KRT3: variants seen among roughly 807,000 people sequenced by gnomAD.
KRT3 encodes the protein keratin, type II cytoskeletal 3.
KRT3 carries 34 observed loss-of-function variants against 45.8 expected under a neutral mutation model. The observed-to-expected ratio is 0.74, with a 90% CI of 0.57 to 0.99. KRT3 has a LOEUF of 0.99. KRT3 is among the 50% of genes least tolerant of loss of function. The pLI, the probability that KRT3 is intolerant of heterozygous loss-of-function variation, is 0.00. For missense variants in KRT3, 828 were observed against 820.6 expected, an observed-to-expected ratio of 1.01 and a Z score of -0.11; for synonymous variants, 367 against 329.0, an observed-to-expected ratio of 1.12 and a Z score of -1.25.
At chr12:52,793,584 T>C (rs958145385) in intron 2 of KRT3, among the ~76,000 whole-genome samples, 3 of 151,850 alleles carry the variant, frequency 2.0e-5, no homozygotes, top group African/African-American at 7.3e-5. Context: ...TCTAAACTCA[T>C]CCGTTTTTTG....
chr12:52,790,676 C>T (rs1030769227), intron 8 of KRT3, among the ~76,000 whole-genome samples, 162 bp downstream of exon 8: 2 of 152,172 alleles, frequency 1.3e-5, no homozygotes, highest in African/African-American at 4.8e-5. Flanking sequence ...TTAAAAGTGC[C>T]CTGAACCCAG....
chr12:52,791,619 G>A (rs1939505877), intron 6 of KRT3, 72 bp downstream of exon 6: 2 of 1,593,246 alleles, frequency 1.3e-6, no homozygotes, highest in Non-Finnish European at 1.7e-6. Context: ...CTATTCCAGG[G>A]GAGGAGTCCT....
rs1215733201 is a variant in KRT3 at position 52,790,266 on chromosome 12, T to C, written c.1663A>G (p.Ser555Gly). The C allele has an allele frequency of 6.4e-7, 1 of 1,551,968 alleles. No individual in the cohort carries two copies. Among genetic ancestry groups the C allele is most frequent in the African/African-American group, 1.4e-5 (1 of 73,070 alleles). ...CCACTGCCTGAGCCGCCGCCCGCAC[T>C]GAAGCCACCTCCTAAACCACCGCCC... ...GMGGGLGGGF[S>G]AGGGSGSGFG... The change falls in exon 9 of 9, where the codon AGT becomes GGT. Residue 555 changes from serine (S) to glycine (G), a missense_variant. By Grantham distance (56) the Ser-to-Gly change is moderately conservative. Coordinates refer to ENST00000417996, the MANE Select transcript of KRT3 (RefSeq NM_057088.3).
At position 52,789,851 on chromosome 12, in the gene KRT3, G is replaced by A. The variant is rs1218569437; in HGVS notation, c.*191C>T. ...CAATCACAGGCACAGGCTGGAGCCG[G>A]AGAGAAGAGCCTGAAATTCTCGTGA... is the stretch of plus-strand genomic sequence containing the variant. On this transcript the variant is annotated 3_prime_UTR_variant, in exon 9 of 9. Transcript: ENST00000417996. The A allele has an allele frequency of 5.9e-6, 4 of 677,560 alleles. No homozygotes were observed. In the African/African-American group the frequency reaches 7.1e-5, roughly 12 times the overall value. The allele number at this position is 677,560 out of a possible 1,614,324, so 42.0% of individuals were successfully genotyped here.
At chr12:52,792,837 C>G (rs1565678476) in intron 3 of KRT3, 31 bp from the exon 4 acceptor site, 5 of 1,429,768 alleles carry the variant, frequency 3.5e-6, no homozygotes, top group Non-Finnish European at 3.9e-6. Context: ...AGGCCTTATT[C>G]TCCCAATGAA....
intron 4 of KRT3, 111 bp from the exon 5 acceptor site, chr12:52,792,514 T>A: frequency 8.6e-7 from 1 of 1,157,466 alleles, no homozygotes; most frequent in Non-Finnish European, 1.3e-6. Context: ...GCTCCACATG[T>A]GTATCAGCCA....
At position 52,791,252 on chromosome 12, in the gene KRT3, C is replaced by G; in HGVS notation, c.1489G>C (p.Val497Leu). 1.9e-6 allele frequency: 3 copies of G among 1,614,256 alleles called. No individual in the cohort carries two copies. The highest frequency in any genetic ancestry group is 2.5e-6 in the Non-Finnish European group (3 of 1,180,038). ...AGCTTGCGGTAGGTGGCGATCTCCA[C>G]GTCCAGGGCCAGCTTGACATTCATC... ...ELMNVKLALD[V>L]EIATYRKLLE... The change falls in exon 7 of 9, where the codon GTG becomes CTG. Residue 497 changes from valine (V) to leucine (L), a missense_variant. Physicochemically the swap from Val to Leu is conservative, Grantham distance 32. Coordinates refer to ENST00000417996, the MANE Select transcript of KRT3 (RefSeq NM_057088.3).
In KRT3 at chr12:52,791,379, C is replaced by T; in HGVS notation, c.1362G>A (p.Glu454=). The T allele has an allele frequency of 1.9e-6, 3 of 1,614,244 alleles. No homozygotes were observed. The highest frequency in any genetic ancestry group is 2.5e-6 in the Non-Finnish European group (3 of 1,180,026). The stretch of plus-strand genomic sequence containing the variant: ...TGGCATTGGCATCCTTGAGGGCCAT[C>T]TCTCCATGCTGCTCGGCCTCGGCAA... The part of the protein sequence containing the change: ...TAIAEAEQHG[E]MALKDANAKL... The change falls in exon 7 of 9, where the codon GAG becomes GAA. Residue 454 remains glutamate, a synonymous_variant. Transcript: ENST00000417996.
chr12:52,793,223 T>G lies in KRT3; in HGVS notation c.867A>C (p.Lys289Asn), dbSNP rs1231554672. 1.1e-5 allele frequency: 17 copies of G among 1,600,798 alleles called. No homozygotes were observed. Among genetic ancestry groups the G allele is most frequent in the East Asian group, 6.7e-5 (3 of 44,624 alleles). ...MEDLVEDFKK[K>N]YEDEINKRTA... ...TACGTTTATTGATTTCATCCTCATATCTGTGTGAATAAAAAAGAAACAGCT... is the reference window on the plus strand; with the variant it reads ...TACGTTTATTGATTTCATCCTCATAGCTGTGTGAATAAAAAAGAAACAGCT... The change falls in exon 3 of 9, where the codon AAA becomes AAC. Residue 289 changes from lysine (K) to asparagine (N), a missense_variant and splice_region_variant. Coordinates refer to ENST00000417996, the MANE Select transcript of KRT3 (RefSeq NM_057088.3).
In KRT3 at chr12:52,792,312, G is replaced by A. The variant is rs766612920; in HGVS notation, c.1115C>T (p.Ala372Val). Residue 372 changes from alanine to valine, a missense_variant, in exon 5 of 9, where the codon GCT (alanine) becomes GTT (valine). Transcript: ENST00000417996. ...NRSLDLDSII[A>V]EVRAQYEDIA... is the part of the protein sequence containing the mutation. ...ATCCTCATACTGTGCACGAACTTCA[G>A]CAATGATGCTGTCCAGGTCCAGGGA... is the stretch of plus-strand genomic sequence containing the variant. 1.2e-6 allele frequency: 2 copies of A among 1,614,116 alleles called. No individual in the cohort carries two copies. Among genetic ancestry groups the A allele is most frequent in the South Asian group, 1.1e-5 (1 of 91,090 alleles).
Position 52,794,095 on chromosome 12 carries a change from C to A in KRT3, c.866+16G>T. 3 of 1,604,084 alleles carry A rather than the reference C, an allele frequency of 1.9e-6. No individual in the cohort carries two copies. Among genetic ancestry groups the A allele is most frequent in the Non-Finnish European group, 2.6e-6 (3 of 1,171,200 alleles). ...GGTGGGCCATGGCATCTTCCCACTC[C>A]TGCCCTGTCACTCACTTCTTCTTGA... On this transcript the variant is annotated intron_variant, in intron 2 of 8. Transcript: ENST00000417996.
rs530075686 is a variant in KRT3 at position 52,794,317 on chromosome 12, C to T, written c.660G>A (p.Glu220=). 8.7e-6 allele frequency: 14 copies of T among 1,613,810 alleles called. No homozygotes were observed. In the South Asian group the frequency reaches 1.5e-4, roughly 18 times the overall value. The change falls in exon 2 of 9, where the codon GAG becomes GAA. Residue 220 remains glutamate, a synonymous_variant. Transcript: ENST00000417996. ...TGGTCTCCAGGACTTTGTTCTGTTG[C>T]TCCAGGAACCGCACCTGCAATGGTT... is the stretch of plus-strand genomic sequence containing the variant. The part of the protein sequence containing the change: ...ASFIDKVRFL[E]QQNKVLETKW...
In KRT3 at chr12:52,790,035, G is replaced by T. The variant is rs1393540140; in HGVS notation, c.*7C>A. 2.0e-6 allele frequency: 3 copies of T among 1,538,094 alleles called. No individual in the cohort carries two copies. The highest frequency in any genetic ancestry group is 2.6e-6 in the Non-Finnish European group (3 of 1,146,720). On this transcript the variant is annotated 3_prime_UTR_variant, in exon 9 of 9. Coordinates refer to ENST00000417996, the MANE Select transcript of KRT3 (RefSeq NM_057088.3). ...GCTGGAGTGGCTGCGATGCTGATGCGTGCTCTTTATCTGGAGTAGCGCTGG... is the reference window on the plus strand; with the variant it reads ...GCTGGAGTGGCTGCGATGCTGATGCTTGCTCTTTATCTGGAGTAGCGCTGG...
chr12:52,792,709 A>G lies in KRT3; in HGVS notation c.1023+2T>C. 1 of 1,599,304 alleles carries G rather than the reference A, an allele frequency of 6.3e-7. No homozygotes were observed. The highest frequency in any genetic ancestry group is 1.1e-5 in the South Asian group (1 of 90,790). ...TCCCTTCTTAGTAGGTAACATCCTT[A>G]CAGCGTCGTAGAGGGTCCTTAAGAA... On this transcript the variant is annotated splice_donor_variant, in intron 4 of 8. Transcript: ENST00000417996. LOFTEE classifies it high-confidence loss of function.
Position 52,795,861 on chromosome 12 carries a change from C to T in KRT3, c.182G>A (p.Gly61Asp), listed in dbSNP as rs756214553. ...GCTGATGGAGATGCTCTTGTTGCCG[C>T]CCAGGTTGTAGAGGCTGCGACTGCC... ...GFGSRSLYNL[G>D]GNKSISISVA... is the part of the protein sequence containing the mutation. The change falls in exon 1 of 9, where the codon GGC (glycine) becomes GAC (aspartate). Residue 61 changes from glycine (G) to aspartate (D), a missense_variant. Gly to Asp is a moderately conservative substitution (Grantham distance 94). Transcript: ENST00000417996. The T allele has an allele frequency of 1.8e-5, 29 of 1,614,086 alleles. No individual in the cohort carries two copies. The highest frequency in any genetic ancestry group is 4.5e-5 in the East Asian group (2 of 44,900).
chr12:52,795,836 G>A lies in KRT3; in HGVS notation c.207C>T (p.Ser69=), dbSNP rs377156370. 7.6e-5 allele frequency: 122 copies of A among 1,614,006 alleles called. No homozygotes were observed. Among genetic ancestry groups the A allele is most frequent in the Non-Finnish European group, 9.9e-5 (117 of 1,179,998 alleles). Residue 69 remains serine, a synonymous_variant, in exon 1 of 9, where the codon AGC becomes AGT. Transcript: ENST00000417996. ...CAGCCCGGGAGCCGCCAGCTGCCAC[G>A]CTGATGGAGATGCTCTTGTTGCCGC... ...NLGGNKSISI[S]VAAGGSRAGG...
In KRT3 at chr12:52,794,116, C is replaced by G; in HGVS notation, c.861G>C (p.Lys287Asn). 1 of 1,613,460 alleles carries G rather than the reference C, an allele frequency of 6.2e-7. No individual in the cohort carries two copies. The highest frequency in any genetic ancestry group is 8.5e-7 in the Non-Finnish European group (1 of 1,179,394). The change falls in exon 2 of 9, where the codon AAG becomes AAC. Residue 287 changes from lysine (K) to asparagine (N), a missense_variant. Coordinates refer to ENST00000417996, the MANE Select transcript of KRT3 (RefSeq NM_057088.3). ...KNMEDLVEDF[K>N]KKYEDEINKR... Reference sequence around the variant, plus strand: ...ACTCCTGCCCTGTCACTCACTTCTTCTTGAAGTCTTCCACCAGGTCCTCCA... The same window carrying G: ...ACTCCTGCCCTGTCACTCACTTCTTGTTGAAGTCTTCCACCAGGTCCTCCA...
chr12:52,790,309 T>C lies in KRT3; in HGVS notation c.1620A>G (p.Gly540=). ...TTSASAGGYG[G]GYGGGMGGGL... is the part of the protein sequence containing the mutation. ...CACCGCCCATGCCTCCGCCGTAACC[T>C]CCTCCATAGCCACCTGCGGAGGCGG... Residue 540 remains glycine (G), a synonymous_variant, in exon 9 of 9, where the codon GGA becomes GGG. Coordinates refer to ENST00000417996, the MANE Select transcript of KRT3 (RefSeq NM_057088.3). The C allele has an allele frequency of 6.3e-7, 1 of 1,577,416 alleles. No individual in the cohort carries two copies. Among genetic ancestry groups the C allele is most frequent in the Non-Finnish European group, 8.6e-7 (1 of 1,161,326 alleles).
rs979270533 is a variant in KRT3 at position 52,790,232 on chromosome 12, C to T, written c.1697G>A (p.Arg566Gln). Residue 566 changes from arginine to glutamine, a missense_variant, in exon 9 of 9, where the codon CGG (arginine) becomes CAG (glutamine). Physicochemically the swap from Arg to Gln is conservative, Grantham distance 43. Transcript: ENST00000417996. ...AGGGSGSGFG[R>Q]GGGGGIGGGF... ...ACCGCCGATTCCACCGCCGCCTCCC[C>T]GGCCAAAGCCACTGCCTGAGCCGCC... is the stretch of plus-strand genomic sequence containing the variant. The T allele has an allele frequency of 1.1e-5, 17 of 1,550,040 alleles. No homozygotes were observed. The highest frequency in any genetic ancestry group is 4.8e-5 in the South Asian group (4 of 84,028).
Sources: allele counts gnomAD v4.1 joint callset (sites outside exome capture counted in the v4.1 genomes callset), GRCh38; gene constraint gnomAD v4.1.1; transcripts MANE v1.5; gene names NCBI Gene and HGNC (gene_info 2026-07-23, HGNC 2026-07-21).